ZFR2: variants seen among roughly 807,000 people sequenced by gnomAD.
The protein encoded by ZFR2 is zinc finger RNA binding protein 2.
A neutral mutation model predicts 105.7 loss-of-function variants in ZFR2; 104 were observed. That is an observed-to-expected ratio of 0.98 (90% CI 0.84 to 1.16). The LOEUF (loss-of-function observed/expected upper bound fraction) is 1.16. ZFR2 is among the 50% of genes most tolerant of loss of function. The pLI is 0.00. For missense variants in ZFR2, 1,425 were observed against 1,355.5 expected (o/e 1.05, Z -0.80); for synonymous variants, 634 against 597.7 (o/e 1.06, Z -0.89).
intron 1 of ZFR2, among the ~76,000 whole-genome samples, chr19:3,860,854 A>T (rs1406558577): frequency 6.6e-6 from 1 of 152,182 alleles, no homozygotes; most frequent in Non-Finnish European, 1.5e-5. Flanking sequence ...AACGACCTGC[A>T]GAGCCCTGTC....
At chr19:3,857,442 C>T (rs2038318543) in intron 1 of ZFR2, among the ~76,000 whole-genome samples, 1 of 151,308 alleles carries the variant, frequency 6.6e-6, no homozygotes, top group African/African-American at 2.4e-5. Flanking sequence ...TGGTGGCTCA[C>T]ACCTGTGATC....
intron 1 of ZFR2, among the ~76,000 whole-genome samples, chr19:3,849,084 G>C (rs1394066697): frequency 6.6e-6 from 1 of 152,210 alleles, no homozygotes; most frequent in Non-Finnish European, 1.5e-5. Flanking sequence ...TAGCTTTCTG[G>C]GGAGGAAGCT....
intron 1 of ZFR2, among the ~76,000 whole-genome samples, chr19:3,843,760 G>A (rs567596870): frequency 6.7e-6 from 1 of 149,480 alleles, no homozygotes; most frequent in South Asian, 2.1e-4. Flanking sequence ...GCGTGAACCT[G>A]GGAGGCGGAG....
rs563081439 is a variant in ZFR2 at position 3,829,062 on chromosome 19, C to T, written c.853-1409G>A. On this transcript the variant is annotated intron_variant, in intron 5 of 18. Coordinates refer to ENST00000262961, the MANE Select transcript of ZFR2 (RefSeq NM_015174.2). ...CTGCAGCCGCCGCCTCCCAGGTTCACGCCATTCTCCTGCCTCAGCCTCCCA... is the reference window on the plus strand; with the variant it reads ...CTGCAGCCGCCGCCTCCCAGGTTCATGCCATTCTCCTGCCTCAGCCTCCCA... Among the ~76,000 whole-genome samples, 18 of 151,358 alleles carry T rather than the reference C, an allele frequency of 1.2e-4. No homozygotes were observed. The South Asian group carries it at 3.1e-3, about 26-fold the overall frequency.
chr19:3,868,942 G>A lies in ZFR2; in HGVS notation c.53+23C>T, dbSNP rs917971120. 4.6e-6 allele frequency: 6 copies of A among 1,293,356 alleles called. No individual in the cohort carries two copies. The African/African-American group carries it at 6.2e-5, about 13-fold the overall frequency. 80.1% of individuals were successfully genotyped at this position (1,293,356 alleles called of 1,614,324 possible). On this transcript the variant is annotated intron_variant, in intron 1 of 18. Coordinates refer to ENST00000262961, the MANE Select transcript of ZFR2 (RefSeq NM_015174.2). ...GGCTGCAGGGGCCGGGACTGGCGGG[G>A]GCTGGCGCGGCGGGGCAGTTACCTG...
Position 3,813,966 on chromosome 19 carries a change from G to A in ZFR2, c.2104-8C>T. The A allele has an allele frequency of 1.2e-6, 2 of 1,613,622 alleles. No individual in the cohort carries two copies. The highest frequency in any genetic ancestry group is 1.7e-4 in the Middle Eastern group (1 of 6,056). ...CTCATCCTCGGTCACCATCTGGGAG[G>A]GGTAAATACAACACAAGGCCACCTT... On this transcript the variant is annotated splice_region_variant and splice_polypyrimidine_tract_variant and intron_variant, in intron 13 of 18. Coordinates refer to ENST00000262961, the MANE Select transcript of ZFR2 (RefSeq NM_015174.2). This position sits in a 1 kb window ranked among gnomAD's most constrained non-coding sequence, Gnocchi z 4.4.
In ZFR2 at chr19:3,823,270, C is replaced by A. The variant is rs373477460; in HGVS notation, c.1347G>T (p.Pro449=). 6.2e-7 allele frequency: 1 copy of A among 1,613,996 alleles called. No homozygotes were observed. Among genetic ancestry groups the A allele is most frequent in the Admixed American group, 1.7e-5 (1 of 60,032 alleles). The change falls in exon 8 of 19, where the codon CCG becomes CCT. Residue 449 remains proline, a synonymous_variant. Coordinates refer to ENST00000262961, the MANE Select transcript of ZFR2 (RefSeq NM_015174.2). The surrounding 1 kb of genome is among the most constrained non-coding windows in gnomAD (Gnocchi z 5.4). ...EAPAGCSDAQ[P]VGPEYVEEVF... is the part of the protein sequence containing the mutation. ...CCTCCTCCACATATTCCGGGCCCAC[C>A]GGCTGCGCATCAGAGCAGCCCGCGG...
At chr19:3,829,440 G>C (rs917273133) in intron 5 of ZFR2, among the ~76,000 whole-genome samples, 1 of 152,028 alleles carries the variant, frequency 6.6e-6, no homozygotes, top group Non-Finnish European at 1.5e-5. Context: ...GATTATGGGG[G>C]ACTATAGGTA....
Position 3,831,448 on chromosome 19 carries a change from G to GGCGGGGGCAGCTGCT in ZFR2, c.692_706dup (p.Gln231_Pro235dup). The GGCGGGGGCAGCTGCT allele has an allele frequency of 1.3e-6, 2 of 1,550,622 alleles. No individual in the cohort carries two copies. The highest frequency in any genetic ancestry group is 8.7e-7 in the Non-Finnish European group (1 of 1,148,172). ...GCTTCCTGAGCCTGCAGGCGCGGGCGGCGGGGGCAGCTGCTGCGGGGGTCC... is the reference window on the plus strand; with the variant it reads ...GCTTCCTGAGCCTGCAGGCGCGGGCGGCGGGGGCAGCTGCTGCGGGGGCAGCTGCTGCGGGGGTCC... On this transcript the variant is annotated inframe_insertion, in exon 5 of 19. Transcript: ENST00000262961.
intron 1 of ZFR2, among the ~76,000 whole-genome samples, chr19:3,842,626 T>C (rs1045160126): frequency 1.3e-5 from 2 of 151,624 alleles, no homozygotes; most frequent in African/African-American, 2.4e-5. Context: ...TTTTCTTTTT[T>C]CTTTTTTTTT....
At chr19:3,837,863 T>C (rs1358883449) in intron 1 of ZFR2, among the ~76,000 whole-genome samples, 2 of 149,802 alleles carry the variant, frequency 1.3e-5, no homozygotes, top group Admixed American at 6.6e-5. Context: ...AACACCATGA[T>C]TGTGACATTT....
rs2038013832 is a variant in ZFR2, at chr19:3,831,439, G to A, written c.716C>T (p.Pro239Leu). 6.4e-7 allele frequency: 1 copy of A among 1,551,372 alleles called. No individual in the cohort carries two copies. The highest frequency in any genetic ancestry group is 8.7e-7 in the Non-Finnish European group (1 of 1,148,692). Residue 239 changes from proline (P) to leucine (L), a missense_variant, in exon 5 of 19, where the codon CCT (proline) becomes CTT (leucine). Transcript: ENST00000262961. Reference sequence around the variant, plus strand: ...CCTGGGGCTGCTTCCTGAGCCTGCAGGCGCGGGCGGCGGGGGCAGCTGCTG... The same window carrying A: ...CCTGGGGCTGCTTCCTGAGCCTGCAAGCGCGGGCGGCGGGGGCAGCTGCTG... ...PPQQLPPPPA[P>L]AGSGSSPRAD...
intron 1 of ZFR2, among the ~76,000 whole-genome samples, chr19:3,848,422 C>G (rs545596233): frequency 6.6e-6 from 1 of 152,054 alleles, no homozygotes; most frequent in South Asian, 2.1e-4. Flanking sequence ...CGGAAAAAAG[C>G]TTTCATGGCC....
At chr19:3,839,536 C>CAAAAAAAAAAAA (rs60712587) in intron 1 of ZFR2, among the ~76,000 whole-genome samples, 5 of 36,640 alleles carry the variant, frequency 1.4e-4, no homozygotes, top group Non-Finnish European at 1.5e-4. Flanking sequence ...GGGATTCTGT[C>CAAAAAAAAAAAA]AAAAAAAAAA....
intron 1 of ZFR2, among the ~76,000 whole-genome samples, chr19:3,866,862 G>T (rs910718727): frequency 9.9e-5 from 15 of 152,128 alleles, no homozygotes; most frequent in African/African-American, 3.6e-4. Context: ...GCTCCATTCT[G>T]GGAAATCAGC....
rs1338273096 is a variant in ZFR2, at chr19:3,827,594, T to C, written c.912A>G (p.Thr304=). The C allele has an allele frequency of 6.3e-7, 1 of 1,577,876 alleles. No homozygotes were observed. Among genetic ancestry groups the C allele is most frequent in the East Asian group, 2.3e-5 (1 of 42,700 alleles). The change falls in exon 6 of 19, where the codon ACA becomes ACG. Residue 304 remains threonine, a synonymous_variant. Transcript: ENST00000262961. ...KHRKKEAAQK[T]GVQPNGSPRG... ...GCGGGCTCCCGTTGGGCTGCACGCC[T>C]GTCTTCTGGGCCGCCTCCTTCTTTC...
chr19:3,816,683 C>T lies in ZFR2; in HGVS notation c.2094G>A (p.Arg698=), dbSNP rs1012895400. 4 of 1,608,422 alleles carry T rather than the reference C, an allele frequency of 2.5e-6. No homozygotes were observed. Among genetic ancestry groups the T allele is most frequent in the Middle Eastern group, 1.8e-4 (1 of 5,680 alleles). The change falls in exon 13 of 19, where the codon CGG becomes CGA. Residue 698 remains arginine, a synonymous_variant. Transcript: ENST00000262961. ...LLRRIAQQLP[R]QLQMVTEDEY... is the part of the protein sequence containing the mutation. ...AGGGCCCTGACCTTACCTGGAGCTG[C>T]CGGGGCAGCTGCTGGGCGATCCTCC...
chr19:3,857,531 C>CAA (rs11289351), intron 1 of ZFR2, among the ~76,000 whole-genome samples: 1 of 118,688 alleles, frequency 8.4e-6, no homozygotes, highest in East Asian at 2.5e-4. Context: ...ATGGTGTATA[C>CAA]AAAAAAAAAA....
chr19:3,860,665 C>T (rs1009511760), intron 1 of ZFR2, among the ~76,000 whole-genome samples: 6 of 152,150 alleles, frequency 3.9e-5, no homozygotes, highest in Non-Finnish European at 7.3e-5. Context: ...ATGCTGATCA[C>T]GCTAGAGAAG....
Sources: gnomAD v4.1 joint callset for allele counts (sites outside exome capture counted in the v4.1 genomes callset) on GRCh38, gnomAD v4.1.1 for gene constraint, Gnocchi (gnomAD v3.1) non-coding constraint, MANE v1.5 for transcripts, NCBI Gene and HGNC (gene_info 2026-07-23, HGNC 2026-07-21) for gene names.